ABCC6: variants seen among roughly 807,000 people sequenced by gnomAD.
The protein encoded by ABCC6 is ATP-binding cassette sub-family C member 6.
ABCC6 carries 126 observed loss-of-function variants against 169.5 expected under a neutral mutation model. The observed-to-expected ratio is 0.74, with a 90% confidence interval of 0.64 to 0.86. The LOEUF is 0.86. Ranked by LOEUF, ABCC6 falls within the 40% of genes least tolerant of loss-of-function variation. The pLI, the probability that ABCC6 is intolerant of heterozygous loss-of-function variation, is 0.00. For synonymous variants in ABCC6, 752 were observed against 814.7 expected (o/e 0.92, Z 1.31); for missense variants, 1,733 against 1,927.2 (o/e 0.90, Z 1.89).
At chr16:16,188,000 G>C (rs2047708905) in intron 13 of ABCC6, among the ~76,000 whole-genome samples, 1 of 152,004 alleles carries the variant, frequency 6.6e-6, no homozygotes, top group African/African-American at 2.4e-5. Flanking sequence ...GGGAGGCTGA[G>C]GCGGGCTTAT....
chr16:16,172,224 G>C (rs1482417463), intron 21 of ABCC6, among the ~76,000 whole-genome samples: 1 of 129,044 alleles, frequency 7.7e-6, no homozygotes, highest in Non-Finnish European at 1.7e-5. Context: ...GAGTGGGATG[G>C]ATAAATGGGT....
intron 9 of ABCC6, among the ~76,000 whole-genome samples, chr16:16,201,307 C>G (rs1259382644): frequency 1.3e-5 from 2 of 152,328 alleles, no homozygotes; most frequent in South Asian, 4.1e-4. Context: ...TCTGGGAACA[C>G]AGCTGACAGG....
chr16:16,163,202 A>G lies in ABCC6; in HGVS notation c.3307-10T>C, dbSNP rs371810015. On this transcript the variant is annotated splice_polypyrimidine_tract_variant and intron_variant, in intron 23 of 30. Transcript: ENST00000205557. ...TAACCACATACAGGCTCTGAGAAGGATGGATGGGAGAGGGAAGAGGAGAAG... is the reference window on the plus strand; with the variant it reads ...TAACCACATACAGGCTCTGAGAAGGGTGGATGGGAGAGGGAAGAGGAGAAG... 5.6e-6 allele frequency: 9 copies of G among 1,612,364 alleles called. No homozygotes were observed. The highest frequency in any genetic ancestry group is 7.6e-6 in the Non-Finnish European group (9 of 1,179,754).
chr16:16,188,419 A>C (rs1440647679), intron 13 of ABCC6, among the ~76,000 whole-genome samples: 1 of 152,116 alleles, frequency 6.6e-6, no homozygotes, highest in Non-Finnish European at 1.5e-5. Context: ...AAAATAAAAA[A>C]TAAAAAACAT....
At chr16:16,164,517 CA>C (rs1303732387) in intron 23 of ABCC6, among the ~76,000 whole-genome samples, 1 of 152,122 alleles carries the variant, frequency 6.6e-6, no homozygotes, top group Non-Finnish European at 1.5e-5. Context: ...ACATGATCCA[CA>C]AAGGGCCAAT....
rs1407152784 is a variant in ABCC6, at chr16:16,182,950, G to C, written c.1944-20C>G. ...TTTATTCTGGACACGCAAGAGGGGA[G>C]ACATGACCTTGGTTAGGGTTCAGCC... is the stretch of plus-strand genomic sequence containing the variant. On this transcript the variant is annotated intron_variant, in intron 15 of 30. Coordinates refer to ENST00000205557, the MANE Select transcript of ABCC6 (RefSeq NM_001171.6). 1.2e-6 allele frequency: 2 copies of C among 1,614,032 alleles called. No individual in the cohort carries two copies. The highest frequency in any genetic ancestry group is 1.7e-6 in the Non-Finnish European group (2 of 1,180,024).
intron 22 of ABCC6, among the ~76,000 whole-genome samples, chr16:16,168,000 C>T (rs531765956): frequency 1.3e-5 from 2 of 152,182 alleles, no homozygotes; most frequent in East Asian, 1.9e-4. Context: ...AGTAACCATT[C>T]GCCTTGAGTA....
chr16:16,193,564 A>G (rs2047936668), intron 10 of ABCC6, among the ~76,000 whole-genome samples: 1 of 152,082 alleles, frequency 6.6e-6, no homozygotes, highest in Non-Finnish European at 1.5e-5. Flanking sequence ...AAATATAAAA[A>G]CTAGCCAGGT....
In ABCC6 at chr16:16,190,297, A is replaced by C; in HGVS notation, c.1502T>G (p.Ile501Ser). Residue 501 changes from isoleucine to serine, a missense_variant, in exon 12 of 31, where the codon ATC becomes AGC. By Grantham distance (142) the Ile-to-Ser change is moderately radical. Transcript: ENST00000205557. ...TSSILRNSKT[I>S]KFHGWEGAFL... The stretch of plus-strand genomic sequence containing the variant: ...GGCTCCCTCCCAGCCATGGAACTTG[A>C]TGGTCTTCGAGTTCCTGAGGATAGA... 1 of 1,614,072 alleles carries C rather than the reference A, an allele frequency of 6.2e-7. No individual in the cohort carries two copies. Among genetic ancestry groups the C allele is most frequent in the Non-Finnish European group, 8.5e-7 (1 of 1,180,002 alleles).
chr16:16,221,891 G>C, intron 1 of ABCC6, 60 bp from the exon 2 acceptor site: 3 of 1,611,950 alleles, frequency 1.9e-6, no homozygotes, highest in Non-Finnish European at 2.5e-6. Context: ...CAGCTCACCT[G>C]CCCAGGGGGC....
Position 16,182,880 on chromosome 16 carries a change from A to G in ABCC6, c.1994T>C (p.Val665Ala), listed in dbSNP as rs4341770. Residue 665 changes from valine to alanine, a missense_variant, in exon 16 of 31, where the codon GTG (valine) becomes GCG (alanine). By Grantham distance (64) the Val-to-Ala change is moderately conservative. Coordinates refer to ENST00000205557, the MANE Select transcript of ABCC6 (RefSeq NM_001171.6). ...QGCLLAVVGP[V>A]GAGKSSLLSA... ...CAGCAGGGAGGACTTCCCTGCCCCC[A>G]CTGGACCGACAACAGCCAGCAGACA... 6.2e-7 allele frequency: 1 copy of G among 1,614,060 alleles called. No homozygotes were observed. Among genetic ancestry groups the G allele is most frequent in the East Asian group, 2.2e-5 (1 of 44,862 alleles).
chr16:16,202,071 T>C lies in ABCC6; in HGVS notation c.1106A>G (p.Gln369Arg), dbSNP rs1264601665. 1.2e-6 allele frequency: 2 copies of C among 1,613,904 alleles called. No homozygotes were observed. Among genetic ancestry groups the C allele is most frequent in the African/African-American group, 2.7e-5 (2 of 74,926 alleles). The change falls in exon 9 of 31, where the codon CAG becomes CGG. Residue 369 changes from glutamine (Q) to arginine (R), a missense_variant. Gln to Arg is a conservative substitution (Grantham distance 43, BLOSUM62 1). Coordinates refer to ENST00000205557, the MANE Select transcript of ABCC6 (RefSeq NM_001171.6). Reference protein sequence around the residue: ...SACLQTLFEQQNMYRLKVLQM... With the variant: ...SACLQTLFEQRNMYRLKVLQM... ...CAGCACCTTGAGCCTGTACATGTTC[T>C]GCTGCTCAAACAGCGTTTGCAGGCA...
rs1347732952 is a variant in ABCC6 at position 16,154,519 on chromosome 16, CAG to C, written c.4208+107_4208+108del. The C allele has an allele frequency of 6.6e-6, 9 of 1,367,204 alleles. No homozygotes were observed. In the East Asian group the frequency reaches 1.7e-4, roughly 26 times the overall value. The allele number at this position is 1,367,204 out of a possible 1,614,324, so 84.7% of individuals were successfully genotyped here. On this transcript the variant is annotated intron_variant, in intron 29 of 30. Coordinates refer to ENST00000205557, the MANE Select transcript of ABCC6 (RefSeq NM_001171.6). ...AAGAGACATGTGGTTATTAATGTAA[CAG>C]AGTGATAATCCTATCGGGGGAGGCA...
At chr16:16,176,662 G>A (rs927496855) in intron 19 of ABCC6, among the ~76,000 whole-genome samples, 1 of 152,250 alleles carries the variant, frequency 6.6e-6, no homozygotes, top group African/African-American at 2.4e-5. Flanking sequence ...AGGGAGACCT[G>A]GATGTGAATC....
intron 22 of ABCC6, among the ~76,000 whole-genome samples, chr16:16,167,454 A>T (rs2046912959): frequency 6.6e-6 from 1 of 152,158 alleles, no homozygotes; most frequent in Non-Finnish European, 1.5e-5. Flanking sequence ...TTGTTGCTTA[A>T]ACACTTTGAA....
At position 16,169,695 on chromosome 16, in the gene ABCC6, C is replaced by A. The variant is rs138410013; in HGVS notation, c.2946G>T (p.Thr982=). 6.2e-7 allele frequency: 1 copy of A among 1,611,262 alleles called. No homozygotes were observed. Among genetic ancestry groups the A allele is most frequent in the African/African-American group, 1.3e-5 (1 of 74,884 alleles). Residue 982 remains threonine, a synonymous_variant, in exon 22 of 31, where the codon ACG becomes ACT. Coordinates refer to ENST00000205557, the MANE Select transcript of ABCC6 (RefSeq NM_001171.6). Reference sequence around the variant, plus strand: ...AGATCCCGCCACGCAGGGCTGCCTGCGTCTGCTGCCCACCTACTGCAGGGT... The same window carrying A: ...AGATCCCGCCACGCAGGGCTGCCTGAGTCTGCTGCCCACCTACTGCAGGGT... ...ADDPAVGGQQ[T]QAALRGGIFG...
At chr16:16,202,765 G>C (rs2048284890) in intron 8 of ABCC6, among the ~76,000 whole-genome samples, 1 of 152,164 alleles carries the variant, frequency 6.6e-6, no homozygotes, top group East Asian at 1.9e-4. Context: ...CATTTCTGTT[G>C]TTCAAGCCAC....
chr16:16,154,854 C>A lies in ABCC6; in HGVS notation c.4041+19G>T, dbSNP rs1326809695. 2 of 1,611,238 alleles carry A rather than the reference C, an allele frequency of 1.2e-6. No individual in the cohort carries two copies. Among genetic ancestry groups the A allele is most frequent in the Admixed American group, 1.7e-5 (1 of 59,754 alleles). On this transcript the variant is annotated intron_variant, in intron 28 of 30. Coordinates refer to ENST00000205557, the MANE Select transcript of ABCC6 (RefSeq NM_001171.6). ...CCACCATGCCTCCCATCTTTGCCCA[C>A]CCCCTCCACCAGCCTCACCTGGGGG...
Position 16,154,729 on chromosome 16 carries a change from C to T in ABCC6, c.4107G>A (p.Glu1369=), listed in dbSNP as rs375386682. Residue 1369 remains glutamate (E), a synonymous_variant, in exon 29 of 31, where the codon GAG becomes GAA. Coordinates refer to ENST00000205557, the MANE Select transcript of ABCC6 (RefSeq NM_001171.6). The part of the protein sequence containing the change: ...NLDLLQEHSD[E]AIWAALETVQ... ...CCGTCTCCAGGGCTGCCCAGATAGC[C>T]TCGTCCGAGTGCTCCTGCAGCAGGT... 6.8e-6 allele frequency: 11 copies of T among 1,613,336 alleles called. No individual in the cohort carries two copies. Among genetic ancestry groups the T allele is most frequent in the Non-Finnish European group, 9.3e-6 (11 of 1,179,854 alleles).
Sources: allele counts gnomAD v4.1 joint callset (sites outside exome capture counted in the v4.1 genomes callset), GRCh38; gene constraint gnomAD v4.1.1; transcripts MANE v1.5; gene names NCBI Gene and HGNC (gene_info 2026-07-23, HGNC 2026-07-21).